The following SCAI variants were observed in gnomAD, a reference collection of about 807,000 sequenced individuals.
The protein encoded by SCAI is suppressor of cancer cell invasion.
SCAI carries 24 observed loss-of-function variants against 92.2 expected under a neutral mutation model. That is an observed-to-expected ratio of 0.26 (90% CI 0.19 to 0.37). SCAI has a LOEUF of 0.37. Among genes scored for constraint, SCAI ranks in the 10% least tolerant of loss-of-function variants. The pLI, the probability that SCAI is intolerant of heterozygous loss-of-function variation, is 1.00. For missense variants in SCAI, 450 were observed against 736.2 expected, an observed-to-expected ratio of 0.61 and a Z score of 4.50; for synonymous variants, 261 against 258.6, an observed-to-expected ratio of 1.01 and a Z score of -0.09.
At chr9:125,022,380 C>T (rs1245648306) in intron 6 of SCAI, among the ~76,000 whole-genome samples, 1 of 152,098 alleles carries the variant, frequency 6.6e-6, no homozygotes, top group East Asian at 1.9e-4. Flanking sequence ...GTAGCTGTCT[C>T]ATTATCTTTC....
At chr9:124,981,931 T>C (rs1479009912) in intron 14 of SCAI, among the ~76,000 whole-genome samples, 1 of 152,184 alleles carries the variant, frequency 6.6e-6, no homozygotes, top group African/African-American at 2.4e-5. Context: ...AGACGTGAGA[T>C]ACTGCACCTG....
rs1022202268 is a variant in SCAI, at chr9:124,944,106, G to T, written c.*8701C>A. 6.6e-6 allele frequency: 1 copy of T among 152,098 alleles called. No individual in the cohort carries two copies. The highest frequency in any genetic ancestry group is 1.9e-4 in the East Asian group (1 of 5,204). 9.4% of individuals were successfully genotyped at this position (152,098 alleles called of 1,614,324 possible). A position where few individuals can be genotyped will look rare whatever the true frequency, so the allele number is the denominator to read the frequency against. On this transcript the variant is annotated 3_prime_UTR_variant, in exon 18 of 18. Coordinates refer to ENST00000336505, the MANE Select transcript of SCAI (RefSeq NM_001144877.3). ...GTTTCTCTGATTGTTGAACAGCAAG[G>T]TTTATTAAAAATAAGCAAAAAAGTT...
At chr9:125,109,468 T>TA (rs1300157306) in intron 2 of SCAI, among the ~76,000 whole-genome samples, 2 of 152,030 alleles carry the variant, frequency 1.3e-5, no homozygotes, top group Non-Finnish European at 2.9e-5. Context: ...CAAACAATTT[T>TA]AAAAAAATGA....
rs138490069 is a variant in SCAI at position 125,007,743 on chromosome 9, G to C, written c.862-4173C>G. ...CACAATCATGGCTCACTGCAGCCTTGACTTCCCGGGCTCAAGTGATTCTTC... is the reference window on the plus strand; with the variant it reads ...CACAATCATGGCTCACTGCAGCCTTCACTTCCCGGGCTCAAGTGATTCTTC... On this transcript the variant is annotated intron_variant, in intron 9 of 17. Transcript: ENST00000336505. Among the ~76,000 whole-genome samples, 1,511 of 151,980 alleles carry C rather than the reference G, an allele frequency of 9.9e-3. 22 individuals are homozygous for C. The highest frequency in any genetic ancestry group is 0.033 in the African/African-American group (1,382 of 41,506).
At chr9:125,044,122 A>C (rs1833386944) in intron 3 of SCAI, among the ~76,000 whole-genome samples, 1 of 152,120 alleles carries the variant, frequency 6.6e-6, no homozygotes, top group Non-Finnish European at 1.5e-5. Flanking sequence ...GGGTGTGCTC[A>C]TGACGGCACT....
chr9:125,102,131 C>T (rs1015657219), intron 2 of SCAI, among the ~76,000 whole-genome samples: 1 of 152,178 alleles, frequency 6.6e-6, no homozygotes, highest in Non-Finnish European at 1.5e-5. Flanking sequence ...CACCCCACGT[C>T]GGTGACAAAC....
rs1367620259 is a variant in SCAI at position 125,001,954 on chromosome 9, C to T, written c.1144+11G>A. 6.3e-7 allele frequency: 1 copy of T among 1,593,576 alleles called. No homozygotes were observed. Among genetic ancestry groups the T allele is most frequent in the African/African-American group, 1.3e-5 (1 of 74,586 alleles). On this transcript the variant is annotated intron_variant, in intron 12 of 17. Coordinates refer to ENST00000336505, the MANE Select transcript of SCAI (RefSeq NM_001144877.3). Reference sequence around the variant, plus strand: ...GCCCTGCTCACAACAGGGAGCATTCCTTTATTGTACCTTCACTATCAGAAC... The same window carrying T: ...GCCCTGCTCACAACAGGGAGCATTCTTTTATTGTACCTTCACTATCAGAAC...
chr9:125,074,376 C>G (rs1352059182), intron 2 of SCAI, among the ~76,000 whole-genome samples: 1 of 151,336 alleles, frequency 6.6e-6, no homozygotes, highest in Non-Finnish European at 1.5e-5. Flanking sequence ...CCTGCCTCAG[C>G]CTCCTGAGTA....
intron 3 of SCAI, among the ~76,000 whole-genome samples, chr9:125,041,413 C>CA (rs1227398679): frequency 2.0e-5 from 3 of 152,160 alleles, no homozygotes; most frequent in African/African-American, 7.2e-5. Flanking sequence ...TCAGCAACAC[C>CA]AACTTTGTGA....
intron 14 of SCAI, 49 bp from the exon 15 acceptor site, chr9:124,976,235 T>C (rs186160207): frequency 2.0e-5 from 25 of 1,266,638 alleles, no homozygotes; most frequent in Non-Finnish European, 2.5e-5. Context: ...TGACCAAAGA[T>C]AGTTACTTAG....
intron 2 of SCAI, among the ~76,000 whole-genome samples, chr9:125,078,508 A>G (rs971495535): frequency 2.0e-5 from 3 of 152,184 alleles, no homozygotes; most frequent in South Asian, 2.1e-4. Flanking sequence ...AGCTTGGGCG[A>G]TAAGAGTGAA....
At chr9:124,999,335 C>T (rs1832311629) in intron 13 of SCAI, among the ~76,000 whole-genome samples, 1 of 150,892 alleles carries the variant, frequency 6.6e-6, no homozygotes, top group African/African-American at 2.4e-5. Flanking sequence ...TGCAGTGAGC[C>T]GAGATCATGC....
At chr9:125,066,116 AAC>A (rs2131153573) in intron 2 of SCAI, 1 of 657,038 alleles carries the variant, frequency 1.5e-6, no homozygotes, top group African/African-American at 1.9e-5. Context: ...ATTTGTACAT[AAC>A]ATGAACATTT....
chr9:125,072,967 A>T (rs2131165570), intron 2 of SCAI, among the ~76,000 whole-genome samples: 1 of 152,130 alleles, frequency 6.6e-6, no homozygotes, highest in African/African-American at 2.4e-5. Context: ...GCCATGTTAT[A>T]ACTACTGTGA....
intron 2 of SCAI, among the ~76,000 whole-genome samples, chr9:125,099,288 CTT>C (rs1016275871): frequency 7.7e-5 from 11 of 143,554 alleles, no homozygotes; most frequent in Non-Finnish European, 7.7e-5. Context: ...CACTTTTTAT[CTT>C]TTTTTTTTTT....
intron 3 of SCAI, among the ~76,000 whole-genome samples, chr9:125,054,108 G>A (rs576727875): frequency 6.6e-6 from 1 of 152,108 alleles, no homozygotes; most frequent in Non-Finnish European, 1.5e-5. Context: ...CCGAGCAGCT[G>A]TGACTTGAGG....
intron 17 of SCAI, among the ~76,000 whole-genome samples, chr9:124,953,183 ATGTT>A (rs1239971822): frequency 2.0e-5 from 3 of 152,184 alleles, no homozygotes; most frequent in African/African-American, 7.2e-5. Flanking sequence ...TATTCCACAA[ATGTT>A]TACTGAGGCC....
At chr9:125,008,066 C>T (rs1023220037) in intron 9 of SCAI, among the ~76,000 whole-genome samples, 4 of 149,190 alleles carry the variant, frequency 2.7e-5, no homozygotes, top group South Asian at 4.3e-4. Context: ...AGGATGGTCT[C>T]GATCTCCCGA....
intron 2 of SCAI, among the ~76,000 whole-genome samples, chr9:125,131,284 A>G (rs1044157538): frequency 5.3e-5 from 8 of 151,688 alleles, no homozygotes; most frequent in African/African-American, 1.7e-4. Context: ...GGGAGATACC[A>G]GTAATCCCAG....
Sources: allele counts gnomAD v4.1 joint callset (sites outside exome capture counted in the v4.1 genomes callset), GRCh38; gene constraint gnomAD v4.1.1; transcripts MANE v1.5; gene names NCBI Gene and HGNC (gene_info 2026-07-23, HGNC 2026-07-21).